The following ZMAT4 variants were observed in gnomAD, a reference collection of about 807,000 sequenced individuals.
ZMAT4 encodes zinc finger matrin-type 4.
In ZMAT4, 17 loss-of-function variants were observed where a neutral mutation model predicts 28.7. The ratio of observed to expected loss-of-function variants is 0.59; its 90% CI spans 0.41 to 0.89. The LOEUF is 0.89. ZMAT4 is among the 40% of genes least tolerant of loss of function. ZMAT4 has a pLI of 0.00. For synonymous variants in ZMAT4, 117 were observed against 109.2 expected (o/e 1.07, Z -0.44); for missense variants, 240 against 283.8 (o/e 0.85, Z 1.11).
chr8:40,842,203 C>G (rs1243521625), intron 1 of ZMAT4, among the ~76,000 whole-genome samples: 1 of 152,346 alleles, frequency 6.6e-6, no homozygotes, highest in South Asian at 2.1e-4. Flanking sequence ...AGTGCATCAA[C>G]TGTCCCTCTG....
chr8:40,602,022 C>T (rs896854298), intron 5 of ZMAT4, among the ~76,000 whole-genome samples: 1 of 152,118 alleles, frequency 6.6e-6, no homozygotes, highest in Admixed American at 6.5e-5. Context: ...CCCCTTCTGC[C>T]CTTTCCCTTG....
chr8:40,614,051 G>A (rs1489818929), intron 5 of ZMAT4, among the ~76,000 whole-genome samples: 1 of 152,222 alleles, frequency 6.6e-6, no homozygotes, highest in Admixed American at 6.5e-5. Flanking sequence ...GTCACCTTCT[G>A]TGTCATCTTG....
chr8:40,859,633 T>C (rs1817421519), intron 1 of ZMAT4, among the ~76,000 whole-genome samples: 3 of 152,212 alleles, frequency 2.0e-5, no homozygotes, highest in Admixed American at 6.5e-5. Context: ...TACAAGTCTA[T>C]ACATGTCCCA....
intron 5 of ZMAT4, among the ~76,000 whole-genome samples, chr8:40,609,241 A>AATTAATATTACTCTATTAATATTACTCT (rs1805708203): frequency 6.6e-6 from 1 of 152,216 alleles, no homozygotes; most frequent in Non-Finnish European, 1.5e-5. Flanking sequence ...GATTCAACAG[A>AATTAATATTACTCTATTAATATTACTCT]ATTAATATTA....
At chr8:40,784,583 A>G (rs1813984354) in intron 2 of ZMAT4, among the ~76,000 whole-genome samples, 1 of 152,234 alleles carries the variant, frequency 6.6e-6, no homozygotes, top group Admixed American at 6.5e-5. Context: ...AAGAGATCTA[A>G]GAATAGGAAG....
chr8:40,739,947 C>T (rs1811930787), intron 3 of ZMAT4, among the ~76,000 whole-genome samples: 1 of 152,190 alleles, frequency 6.6e-6, no homozygotes, highest in African/African-American at 2.4e-5. Context: ...TTTCCAGCTT[C>T]ATCCATGTCC....
chr8:40,766,020 T>C (rs1813144556), intron 3 of ZMAT4, among the ~76,000 whole-genome samples: 1 of 152,154 alleles, frequency 6.6e-6, no homozygotes, highest in Non-Finnish European at 1.5e-5. Context: ...TCCCATGGCT[T>C]AATAAGTTTT....
rs185779840 is a variant in ZMAT4, at chr8:40,639,735, T to G, written c.577+34969A>C. Among the ~76,000 whole-genome samples, 19 of 146,832 alleles carry G rather than the reference T, an allele frequency of 1.3e-4. 1 individual carries two copies. The East Asian group carries it at 3.6e-3, about 28-fold the overall frequency. On this transcript the variant is annotated intron_variant, in intron 5 of 6. Transcript: ENST00000297737. ...TAACCCTCATATCTTTAAGGGTGAA[T>G]ACATGTCTCAAACTAACAAAATTAA...
intron 5 of ZMAT4, among the ~76,000 whole-genome samples, chr8:40,644,856 T>C (rs1807228317): frequency 6.6e-6 from 1 of 152,178 alleles, no homozygotes; most frequent in South Asian, 2.1e-4. Context: ...GGTCTTTCTC[T>C]CAAAAACACA....
At chr8:40,564,939 G>A (rs955101767) in intron 6 of ZMAT4, among the ~76,000 whole-genome samples, 1 of 152,184 alleles carries the variant, frequency 6.6e-6, no homozygotes, top group Non-Finnish European at 1.5e-5. Context: ...CATTAAAGCA[G>A]TTCTTGTTAA....
chr8:40,768,836 G>A (rs1209593241), intron 2 of ZMAT4, among the ~76,000 whole-genome samples: 2 of 152,040 alleles, frequency 1.3e-5, no homozygotes, highest in African/African-American at 4.8e-5. Context: ...TTACTCAGAG[G>A]TTATTTCCTG....
chr8:40,738,749 C>T (rs1321482241), intron 3 of ZMAT4, among the ~76,000 whole-genome samples: 2 of 152,074 alleles, frequency 1.3e-5, no homozygotes, highest in Non-Finnish European at 2.9e-5. Context: ...GGCTGTGGCC[C>T]CTGTCAACAT....
chr8:40,626,776 G>A (rs1335048984), intron 5 of ZMAT4, among the ~76,000 whole-genome samples: 1 of 152,176 alleles, frequency 6.6e-6, no homozygotes, highest in Non-Finnish European at 1.5e-5. Context: ...TGAGATGTTG[G>A]ATGGACAGGC....
At chr8:40,586,288 C>A (rs1376096813) in intron 5 of ZMAT4, among the ~76,000 whole-genome samples, 1 of 152,156 alleles carries the variant, frequency 6.6e-6, no homozygotes, top group Non-Finnish European at 1.5e-5. Context: ...CTTCCTTGTT[C>A]AATTCATTTT....
chr8:40,706,302 C>T lies in ZMAT4; in HGVS notation c.193-8901G>A, dbSNP rs1374434154. Among the ~76,000 whole-genome samples, 3 of 152,298 alleles carry T rather than the reference C, an allele frequency of 2.0e-5. No homozygotes were observed. In the East Asian group the frequency reaches 5.8e-4, roughly 29 times the overall value. On this transcript the variant is annotated intron_variant, in intron 3 of 6. Coordinates refer to ENST00000297737, the MANE Select transcript of ZMAT4 (RefSeq NM_024645.3). ...ATCTCCTGACCCCGTGATCCACCCA[C>T]CTCAGCCTCCCAAAGTGCTGGGATT...
At chr8:40,625,798 G>A (rs957782497) in intron 5 of ZMAT4, among the ~76,000 whole-genome samples, 2 of 151,094 alleles carry the variant, frequency 1.3e-5, no homozygotes, top group African/African-American at 2.4e-5. Flanking sequence ...GAGTAAATTT[G>A]TTAGTCATCT....
At chr8:40,755,648 T>C (rs1812648283) in intron 3 of ZMAT4, among the ~76,000 whole-genome samples, 1 of 152,132 alleles carries the variant, frequency 6.6e-6, no homozygotes, top group Admixed American at 6.5e-5. Context: ...AGACAGGGTT[T>C]CTCCATGTTG....
intron 3 of ZMAT4, among the ~76,000 whole-genome samples, chr8:40,751,943 T>TAG (rs1218438713): frequency 6.6e-6 from 1 of 152,144 alleles, no homozygotes; most frequent in Non-Finnish European, 1.5e-5. Flanking sequence ...AAGACCCCTG[T>TAG]CCTCCTAAAG....
At chr8:40,716,235 G>T (rs1194697287) in intron 3 of ZMAT4, among the ~76,000 whole-genome samples, 1 of 137,994 alleles carries the variant, frequency 7.2e-6, no homozygotes, top group Non-Finnish European at 1.5e-5. Flanking sequence ...TCACCTGAGA[G>T]CTTGCTGGAC....
Sources: gnomAD v4.1 joint callset for allele counts (sites outside exome capture counted in the v4.1 genomes callset) on GRCh38, gnomAD v4.1.1 for gene constraint, MANE v1.5 for transcripts, NCBI Gene and HGNC (gene_info 2026-07-23, HGNC 2026-07-21) for gene names.